The following MAGI2 variants were observed in gnomAD, a reference collection of about 807,000 sequenced individuals.
MAGI2 encodes membrane associated guanylate kinase, WW and PDZ domain containing 2.
MAGI2 carries 35 observed loss-of-function variants against 133.3 expected under a neutral mutation model. The observed-to-expected ratio is 0.26, with a 90% CI of 0.20 to 0.35. The LOEUF (loss-of-function observed/expected upper bound fraction) is 0.35, where lower values mean the gene tolerates loss of function less well. Among genes scored for constraint, MAGI2 ranks in the 10% least tolerant of loss-of-function variants. The pLI is 1.00. For synonymous variants in MAGI2, 729 were observed against 710.6 expected (o/e 1.03, Z -0.41); for missense variants, 1,636 against 1,863.4 (o/e 0.88, Z 2.25).
At chr7:79,205,802 CT>C (rs1829001724) in intron 1 of MAGI2, among the ~76,000 whole-genome samples, 1 of 150,778 alleles carries the variant, frequency 6.6e-6, no homozygotes, top group Admixed American at 6.6e-5. Flanking sequence ...TTGTAATCAT[CT>C]TAAAATAACC....
chr7:78,140,932 A>T (rs1270796943), intron 16 of MAGI2, among the ~76,000 whole-genome samples: 1 of 152,226 alleles, frequency 6.6e-6, no homozygotes, highest in Non-Finnish European at 1.5e-5. Flanking sequence ...TGGCAAATAC[A>T]TGGCAAATAT....
chr7:79,381,265 T>A (rs1843756106), intron 1 of MAGI2, among the ~76,000 whole-genome samples: 1 of 151,708 alleles, frequency 6.6e-6, no homozygotes, highest in South Asian at 2.1e-4. Context: ...ATAATCTTTC[T>A]TCTCTATGTC....
chr7:78,675,081 T>C (rs901217344), intron 2 of MAGI2, among the ~76,000 whole-genome samples: 7 of 152,266 alleles, frequency 4.6e-5, no homozygotes, highest in African/African-American at 1.2e-4. Flanking sequence ...TGACTGTCAG[T>C]AAGTAAATGT....
rs570961552 is a variant in MAGI2 at position 79,280,381 on chromosome 7, T to C, written c.301+172639A>G. On this transcript the variant is annotated intron_variant, in intron 1 of 21. Transcript: ENST00000354212. ...CAGGTGGTAGGGTTGATATTGTATG[T>C]AGGAGATATAAAGATACCTATCCAA... 1.6e-4 allele frequency among the ~76,000 whole-genome samples: 25 copies of C among 152,046 alleles called. 1 individual carries two copies. In the South Asian group the frequency reaches 4.8e-3, roughly 29 times the overall value.
chr7:79,143,397 G>C (rs747228617), intron 1 of MAGI2, among the ~76,000 whole-genome samples: 6 of 152,202 alleles, frequency 3.9e-5, no homozygotes, highest in Non-Finnish European at 8.8e-5. Context: ...CAGGTTTGTT[G>C]TAACATCTGT....
At chr7:78,959,302 G>T (rs547073810) in intron 2 of MAGI2, among the ~76,000 whole-genome samples, 1 of 152,156 alleles carries the variant, frequency 6.6e-6, no homozygotes, top group African/African-American at 2.4e-5. Context: ...ACTCTAAAAT[G>T]GCATTGTTCT....
chr7:78,057,997 A>ATGTGTGTGTGTGTGTGTGTG (rs369803912), intron 21 of MAGI2, among the ~76,000 whole-genome samples: 3 of 40,008 alleles, frequency 7.5e-5, no homozygotes, highest in African/African-American at 1.5e-4. Context: ...ATATATATAT[A>ATGTGTGTGTGTGTGTGTGTG]TATATATGTA....
intron 1 of MAGI2, among the ~76,000 whole-genome samples, chr7:79,316,985 GAA>G (rs958034156): frequency 7.9e-6 from 1 of 126,884 alleles, no homozygotes; most frequent in Non-Finnish European, 1.7e-5. Flanking sequence ...AGTTAATGTA[GAA>G]AAAAAAATGT....
intron 2 of MAGI2, among the ~76,000 whole-genome samples, chr7:78,801,639 T>C (rs908228896): frequency 1.3e-5 from 2 of 152,130 alleles, no homozygotes; most frequent in Non-Finnish European, 2.9e-5. Context: ...ACAGGGATTA[T>C]TTCACTTAAA....
intron 9 of MAGI2, among the ~76,000 whole-genome samples, chr7:78,331,665 T>C (rs1789212269): frequency 6.6e-6 from 1 of 152,184 alleles, no homozygotes; most frequent in Non-Finnish European, 1.5e-5. Context: ...CCATTTCTAT[T>C]ATATTTAAAT....
chr7:79,294,014 T>C (rs10953827), intron 1 of MAGI2, among the ~76,000 whole-genome samples: 92,387 of 151,652 alleles, frequency 0.61, 29,684 homozygotes, highest in Non-Finnish European at 0.7. Context: ...GAAACCCCTT[T>C]TCTACTTAAA....
At chr7:79,150,025 A>G (rs188302544) in intron 1 of MAGI2, among the ~76,000 whole-genome samples, 117 of 152,210 alleles carry the variant, frequency 7.7e-4, no homozygotes, top group Non-Finnish European at 1.3e-3. Context: ...GTGTAAGAGG[A>G]AGGGGGAAAG....
chr7:79,444,962 C>T (rs1183754311), intron 1 of MAGI2, among the ~76,000 whole-genome samples: 1 of 152,116 alleles, frequency 6.6e-6, no homozygotes, highest in African/African-American at 2.4e-5. Context: ...GGTACCAAAA[C>T]AGAGATATAG....
chr7:79,180,796 G>T (rs1180424721), intron 1 of MAGI2, among the ~76,000 whole-genome samples: 1 of 151,996 alleles, frequency 6.6e-6, no homozygotes, highest in African/African-American at 2.4e-5. Context: ...AAAATCAGAA[G>T]TGAGTTAGTT....
intron 1 of MAGI2, among the ~76,000 whole-genome samples, chr7:79,399,102 T>TC (rs1385081995): frequency 1.4e-5 from 2 of 143,984 alleles, no homozygotes; most frequent in Non-Finnish European, 3.0e-5. Context: ...TTTCTTTTTT[T>TC]TTTTTTTTGG....
chr7:78,598,773 G>T (rs1272832578), intron 3 of MAGI2, among the ~76,000 whole-genome samples: 2 of 152,150 alleles, frequency 1.3e-5, no homozygotes, highest in Admixed American at 1.3e-4. Flanking sequence ...GTACAACCAG[G>T]ATATAGTGTT....
intron 3 of MAGI2, among the ~76,000 whole-genome samples, chr7:78,624,897 G>A (rs1808172241): frequency 6.6e-6 from 1 of 152,010 alleles, no homozygotes; most frequent in Non-Finnish European, 1.5e-5. Context: ...TGTTATTTTA[G>A]GAGTGTATTC....
chr7:79,415,779 C>T (rs1846460318), intron 1 of MAGI2: 1 of 152,076 alleles, frequency 6.6e-6, no homozygotes, highest in Non-Finnish European at 1.5e-5. Context: ...CCTCCCTCAC[C>T]ATTGGGTCTG....
intron 3 of MAGI2, among the ~76,000 whole-genome samples, chr7:78,624,760 C>T (rs960633303): frequency 3.3e-5 from 5 of 151,870 alleles, no homozygotes; most frequent in East Asian, 1.9e-4. Flanking sequence ...TATTTACCTA[C>T]GTAACTTAAA....
Sources: gnomAD v4.1 joint callset for allele counts (sites outside exome capture counted in the v4.1 genomes callset) on GRCh38, gnomAD v4.1.1 for gene constraint, MANE v1.5 for transcripts, NCBI Gene and HGNC (gene_info 2026-07-23, HGNC 2026-07-21) for gene names.